Variants in VPS39 observed in about 807,000 individuals in gnomAD.
VPS39 encodes vam6/Vps39-like protein.
Under a neutral mutation model 121.0 loss-of-function variants are expected in VPS39, and 70 were observed. The observed-to-expected ratio is 0.58, with a 90% CI of 0.48 to 0.71. The LOEUF is 0.71. VPS39 is among the 30% of genes least tolerant of loss of function. VPS39 has a pLI of 0.00. For synonymous variants in VPS39, 378 were observed against 398.1 expected (o/e 0.95, Z 0.60); for missense variants, 818 against 1,051.5 (o/e 0.78, Z 3.07).
chr15:42,187,988 G>A (rs1019561091), intron 5 of VPS39, 132 bp from the exon 6 acceptor site: 1 of 798,530 alleles, frequency 1.3e-6, no homozygotes, highest in South Asian at 1.6e-5. Context: ...ATCCTGCCAG[G>A]AAAGCTGAGC....
At chr15:42,162,292 C>T in intron 22 of VPS39, 40 bp downstream of exon 22, 1 of 1,597,140 alleles carries the variant, frequency 6.3e-7, no homozygotes, top group Non-Finnish European at 8.5e-7. Context: ...TTCGGTGCTC[C>T]CTGCAAACAC....
intron 8 of VPS39, 70 bp downstream of exon 8, chr15:42,184,447 G>T: frequency 6.8e-7 from 1 of 1,479,370 alleles, no homozygotes; most frequent in South Asian, 1.4e-5. Flanking sequence ...CTACGAATGG[G>T]ACTCCGTTCT....
intron 11 of VPS39, 51 bp downstream of exon 11, chr15:42,173,672 A>T (rs2140851177): frequency 6.3e-7 from 1 of 1,585,886 alleles, no homozygotes. Flanking sequence ...CATACTTTTC[A>T]GGCTCCCCTC....
rs200469742 is a variant in VPS39, at chr15:42,165,702, C to T, written c.1779+16G>A. 14 of 1,611,302 alleles carry T rather than the reference C, an allele frequency of 8.7e-6. No homozygotes were observed. In the East Asian group the frequency reaches 2.5e-4, roughly 28 times the overall value. On this transcript the variant is annotated intron_variant, in intron 17 of 24. Coordinates refer to ENST00000318006, the MANE Select transcript of VPS39 (RefSeq NM_015289.5). ...TGGGTTTAAAGCTTTTTAGTGCAGA[C>T]CAAAAAATACCTTACCAGATAAGGA...
chr15:42,201,717 G>A (rs1182764596), intron 1 of VPS39, among the ~76,000 whole-genome samples: 1 of 152,160 alleles, frequency 6.6e-6, no homozygotes, highest in Non-Finnish European at 1.5e-5. Context: ...CTCAGAAAGA[G>A]TTTAAATAAT....
In VPS39 at chr15:42,208,209, T is replaced by G; in HGVS notation, c.-56A>C. On this transcript the variant is annotated 5_prime_UTR_variant, in exon 1 of 25. Transcript: ENST00000318006. Reference sequence around the variant, plus strand: ...TCGCCCAGAGTGTTCCGGGCCGGGCTGGGGTCCGGAACGAGTCTGGGCTAA... The same window carrying G: ...TCGCCCAGAGTGTTCCGGGCCGGGCGGGGGTCCGGAACGAGTCTGGGCTAA... The G allele has an allele frequency of 6.5e-7, 1 of 1,550,264 alleles. No homozygotes were observed. Among genetic ancestry groups the G allele is most frequent in the Non-Finnish European group, 8.7e-7 (1 of 1,146,240 alleles).
At position 42,207,619 on chromosome 15, in the gene VPS39, G is replaced by A. The variant is rs1172663294; in HGVS notation, c.73+462C>T. On this transcript the variant is annotated intron_variant, in intron 1 of 24. Coordinates refer to ENST00000318006, the MANE Select transcript of VPS39 (RefSeq NM_015289.5). ...TGAGAAATGAACGAATGATCACTAAGGGGAAAAAAAAGCATATGGTGTTAA... is the reference window on the plus strand; with the variant it reads ...TGAGAAATGAACGAATGATCACTAAAGGGAAAAAAAAGCATATGGTGTTAA... Among the ~76,000 whole-genome samples, 11 of 152,130 alleles carry A rather than the reference G, an allele frequency of 7.2e-5. No individual in the cohort carries two copies. In the East Asian group the frequency reaches 2.1e-3, roughly 29 times the overall value.
chr15:42,198,081 T>C (rs1287428935), intron 2 of VPS39, among the ~76,000 whole-genome samples: 2 of 152,196 alleles, frequency 1.3e-5, no homozygotes, highest in African/African-American at 2.4e-5. Context: ...AAAATGATCA[T>C]AGGGCAAGGA....
intron 13 of VPS39, 109 bp from the exon 14 acceptor site, chr15:42,167,022 G>C (rs1009799753): frequency 6.8e-7 from 1 of 1,479,688 alleles, no homozygotes; most frequent in East Asian, 2.3e-5. Context: ...ACAAGCAAGA[G>C]AAAGCAGACA....
Position 42,165,918 on chromosome 15 carries a change from C to T in VPS39, c.1681-102G>A, listed in dbSNP as rs932347081. On this transcript the variant is annotated intron_variant, in intron 16 of 24. Coordinates refer to ENST00000318006, the MANE Select transcript of VPS39 (RefSeq NM_015289.5). ...AGGGATCAAACAGACTTTAGGAGGG[C>T]AAGGGTACGAGAAGGCATCTGTAGG... is the stretch of plus-strand genomic sequence containing the variant. 6.8e-6 allele frequency: 8 copies of T among 1,178,930 alleles called. No individual in the cohort carries two copies. The South Asian group carries it at 7.9e-5, about 12-fold the overall frequency. 73.0% of individuals were successfully genotyped at this position (1,178,930 alleles called of 1,614,324 possible). A position where few individuals can be genotyped will look rare whatever the true frequency, so the allele number is the denominator to read the frequency against.
At chr15:42,206,680 G>A (rs1044218038) in intron 1 of VPS39, among the ~76,000 whole-genome samples, 5 of 152,202 alleles carry the variant, frequency 3.3e-5, no homozygotes, top group South Asian at 2.1e-4. Context: ...GCAATAATAG[G>A]CAGCATATGT....
rs997116680 is a variant in VPS39 at position 42,181,077 on chromosome 15, G to A, written c.719-2507C>T. Among the ~76,000 whole-genome samples the A allele has an allele frequency of 3.3e-5, 5 of 152,244 alleles. No individual in the cohort carries two copies. In the South Asian group the frequency reaches 6.2e-4, roughly 19 times the overall value. On this transcript the variant is annotated intron_variant, in intron 8 of 24. Transcript: ENST00000318006. ...AGGAGATATTTGCACACACATGTTC[G>A]TAGCAGCATTATTCACAGCAGCCAA...
chr15:42,167,497 T>G lies in VPS39; in HGVS notation c.1274A>C (p.His425Pro). The G allele has an allele frequency of 1.2e-6, 2 of 1,614,164 alleles. No homozygotes were observed. The highest frequency in any genetic ancestry group is 1.7e-6 in the Non-Finnish European group (2 of 1,180,028). The stretch of plus-strand genomic sequence containing the variant: ...CATGAGCGGTGAGGTGCTTGACTGG[T>G]GATCAGAGTCATTCAGCTTCTTTAC... ...QLVKKLNDSD[H>P]QSSTSPLMEG... Residue 425 changes from histidine to proline, a missense_variant, in exon 13 of 25, where the codon CAC (histidine) becomes CCC (proline). By Grantham distance (77) the His-to-Pro change is moderately conservative. Coordinates refer to ENST00000318006, the MANE Select transcript of VPS39 (RefSeq NM_015289.5).
intron 5 of VPS39, among the ~76,000 whole-genome samples, chr15:42,188,150 A>C (rs2049743502): frequency 6.6e-6 from 1 of 151,052 alleles, no homozygotes; most frequent in Admixed American, 6.6e-5. Context: ...CCCCTATATA[A>C]CTCCTCCCTC....
intron 10 of VPS39, among the ~76,000 whole-genome samples, chr15:42,177,179 A>AG (rs2049470051): frequency 6.6e-6 from 1 of 151,356 alleles, no homozygotes; most frequent in Non-Finnish European, 1.5e-5. Context: ...AAAAAAAAAA[A>AG]AAAAAAAAAA....
intron 12 of VPS39, among the ~76,000 whole-genome samples, chr15:42,168,141 C>T (rs915090733): frequency 6.6e-6 from 1 of 152,224 alleles, no homozygotes; most frequent in African/African-American, 2.4e-5. Flanking sequence ...TATGTATTCT[C>T]TTGAGTCTGG....
rs1381574096 is a variant in VPS39, at chr15:42,208,296, G to T, written c.-143C>A. ...CAGGCCCTTCAACAACACAGCCATC[G>T]TCAACCCCGGACTTCCTGCTAGTTA... is the stretch of plus-strand genomic sequence containing the variant. On this transcript the variant is annotated 5_prime_UTR_variant, in exon 1 of 25. Transcript: ENST00000318006. 5 of 1,066,650 alleles carry T rather than the reference G, an allele frequency of 4.7e-6. No homozygotes were observed. Among genetic ancestry groups the T allele is most frequent in the African/African-American group, 3.2e-5 (2 of 63,160 alleles). 66.1% of individuals were successfully genotyped at this position (1,066,650 alleles called of 1,614,324 possible). A position where few individuals can be genotyped will look rare whatever the true frequency, so the allele number is the denominator to read the frequency against.
Position 42,167,543 on chromosome 15 carries a change from A to G in VPS39, c.1234-6T>C. The G allele has an allele frequency of 6.2e-7, 1 of 1,614,028 alleles. No individual in the cohort carries two copies. ...TTTACCAATTGACTTCGTTTCTGCA[A>G]AGGTCAAAATGTGGGGTTAAGGCCA... On this transcript the variant is annotated splice_polypyrimidine_tract_variant and splice_region_variant and intron_variant, in intron 12 of 24. Transcript: ENST00000318006.
At chr15:42,206,639 T>C (rs2050178091) in intron 1 of VPS39, among the ~76,000 whole-genome samples, 2 of 152,198 alleles carry the variant, frequency 1.3e-5, no homozygotes, top group South Asian at 4.1e-4. Context: ...CATATGTCCT[T>C]AGCTGAGTTG....
Sources: gnomAD v4.1 joint callset for allele counts (sites outside exome capture counted in the v4.1 genomes callset) on GRCh38, gnomAD v4.1.1 for gene constraint, MANE v1.5 for transcripts, NCBI Gene and HGNC (gene_info 2026-07-23, HGNC 2026-07-21) for gene names.